TBC1D5: variants seen among roughly 807,000 people sequenced by gnomAD.
The protein encoded by TBC1D5 is TBC1 domain family, member 5.
A neutral mutation model predicts 100.3 loss-of-function variants in TBC1D5; 75 were observed. That is an observed-to-expected ratio of 0.75 (90% CI 0.62 to 0.91). The LOEUF (loss-of-function observed/expected upper bound fraction) is 0.91. TBC1D5 is among the 40% of genes least tolerant of loss of function. The pLI is 0.00. For missense variants in TBC1D5, 910 were observed against 942.4 expected (o/e 0.97, Z 0.45); for synonymous variants, 323 against 325.6 (o/e 0.99, Z 0.09).
At chr3:17,212,113 G>C (rs574572834) in intron 18 of TBC1D5, among the ~76,000 whole-genome samples, 1 of 152,144 alleles carries the variant, frequency 6.6e-6, no homozygotes, top group African/African-American at 2.4e-5. Flanking sequence ...GATAATTTCA[G>C]CTATAGCTAG....
chr3:17,713,770 C>T (rs114278806), intron 1 of TBC1D5, among the ~76,000 whole-genome samples: 2 of 152,050 alleles, frequency 1.3e-5, no homozygotes, highest in Non-Finnish European at 2.9e-5. Context: ...GGCCAGAAAG[C>T]ACATGAAAAC....
chr3:17,440,879 T>C (rs965045481), intron 3 of TBC1D5, among the ~76,000 whole-genome samples: 1 of 152,060 alleles, frequency 6.6e-6, no homozygotes, highest in African/African-American at 2.4e-5. Flanking sequence ...TAGCCTCAAG[T>C]AATCCACCCG....
At chr3:17,453,736 C>G (rs1160668368) in intron 3 of TBC1D5, among the ~76,000 whole-genome samples, 1 of 152,068 alleles carries the variant, frequency 6.6e-6, no homozygotes, top group Admixed American at 6.5e-5. Context: ...GTTCCAAAAA[C>G]TAGAGGCCAA....
At chr3:17,435,835 G>C (rs1182872298) in intron 3 of TBC1D5, among the ~76,000 whole-genome samples, 1 of 152,210 alleles carries the variant, frequency 6.6e-6, no homozygotes, top group African/African-American at 2.4e-5. Context: ...GTAGAAGGCC[G>C]TGTGTGTGCC....
At chr3:17,179,542 T>C in intron 19 of TBC1D5, among the ~76,000 whole-genome samples, 1 of 152,184 alleles carries the variant, frequency 6.6e-6, no homozygotes, top group East Asian at 1.9e-4. Context: ...GTGGCCTCAG[T>C]AGACTAATCA....
intron 20 of TBC1D5, 93 bp from the exon 22 acceptor site, chr3:17,167,021 T>C: frequency 1.7e-6 from 2 of 1,160,440 alleles, no homozygotes; most frequent in Non-Finnish European, 2.3e-6. Flanking sequence ...ACTAGCCTTG[T>C]CATCAATCAT....
chr3:17,214,199 A>T lies in TBC1D5; in HGVS notation c.1752+8T>A, dbSNP rs530104081. ...AGAACGAAGAGAAAACTGTCCTTAAATACTTACAGATTCTTTTCTGCCCAT... is the reference window on the plus strand; with the variant it reads ...AGAACGAAGAGAAAACTGTCCTTAATTACTTACAGATTCTTTTCTGCCCAT... On this transcript the variant is annotated splice_region_variant and intron_variant, in intron 18 of 21. Transcript: ENST00000253692. 54 of 1,606,066 alleles carry T rather than the reference A, an allele frequency of 3.4e-5. No homozygotes were observed. Among genetic ancestry groups the T allele is most frequent in the Non-Finnish European group, 4.4e-5 (52 of 1,176,888 alleles).
Position 17,570,847 on chromosome 3 carries a change from C to T in TBC1D5, c.-36+53002G>A, listed in dbSNP as rs537923539. Among the ~76,000 whole-genome samples, 3 of 151,994 alleles carry T rather than the reference C, an allele frequency of 2.0e-5. 1 individual carries two copies. In the South Asian group the frequency reaches 6.2e-4, roughly 32 times the overall value. On this transcript the variant is annotated intron_variant, in intron 2 of 21. Coordinates refer to ENST00000253692, the Ensembl canonical transcript of TBC1D5. Reference sequence around the variant, plus strand: ...GTAATTATTAAAGTTATTGTTGCAACCTCTAAGTCCCCTCTACAAAGAGAG... The same window carrying T: ...GTAATTATTAAAGTTATTGTTGCAATCTCTAAGTCCCCTCTACAAAGAGAG...
chr3:17,324,204 T>C (rs547699205), intron 13 of TBC1D5, among the ~76,000 whole-genome samples: 2 of 152,374 alleles, frequency 1.3e-5, no homozygotes, highest in South Asian at 2.1e-4. Context: ...GCAACGATTG[T>C]ACAACGCCTT....
At chr3:17,263,274 T>C (rs1488895191) in intron 15 of TBC1D5, among the ~76,000 whole-genome samples, 8 of 140,332 alleles carry the variant, frequency 5.7e-5, no homozygotes, top group African/African-American at 8.1e-5. Context: ...GAGGCTGAGG[T>C]AGAACAGCTT....
chr3:17,396,223 C>T (rs917512628), intron 8 of TBC1D5, among the ~76,000 whole-genome samples: 6 of 152,112 alleles, frequency 3.9e-5, no homozygotes, highest in African/African-American at 2.4e-5. Flanking sequence ...AGTACATCCA[C>T]TCATTCATGT....
chr3:17,603,283 T>C (rs12496758), intron 2 of TBC1D5, among the ~76,000 whole-genome samples: 4,727 of 150,808 alleles, frequency 0.031, 107 homozygotes, highest in Non-Finnish European at 0.047. Flanking sequence ...GAGACAGGAG[T>C]TTGGCAGGAC....
chr3:17,702,564 T>A (rs1264043787), intron 1 of TBC1D5, among the ~76,000 whole-genome samples: 1 of 152,106 alleles, frequency 6.6e-6, no homozygotes, highest in Non-Finnish European at 1.5e-5. Context: ...GTCCAAAATC[T>A]AATCAACAGC....
chr3:17,357,005 AAT>A (rs1189424805), intron 13 of TBC1D5, among the ~76,000 whole-genome samples: 1 of 147,340 alleles, frequency 6.8e-6, no homozygotes, highest in Non-Finnish European at 1.5e-5. Context: ...AAAAAAAAAA[AAT>A]AGTGACACTA....
chr3:17,343,258 C>T (rs1189096155), intron 13 of TBC1D5, among the ~76,000 whole-genome samples: 1 of 151,886 alleles, frequency 6.6e-6, no homozygotes, highest in Non-Finnish European at 1.5e-5. Flanking sequence ...TGTTTATATG[C>T]TGTATTACAT....
chr3:17,210,906 C>CT (rs1245376708), intron 18 of TBC1D5, among the ~76,000 whole-genome samples: 1 of 152,034 alleles, frequency 6.6e-6, no homozygotes. Context: ...ATTTCCTCCA[C>CT]TTTCTCTTCC....
intron 1 of TBC1D5, among the ~76,000 whole-genome samples, chr3:17,737,597 A>T (rs547185455): frequency 2.2e-4 from 33 of 152,302 alleles, no homozygotes; most frequent in African/African-American, 7.9e-4. Context: ...ACTGGATCTA[A>T]TACATGCACT....
intron 3 of TBC1D5, among the ~76,000 whole-genome samples, chr3:17,462,204 T>C (rs1001149213): frequency 6.6e-6 from 1 of 152,154 alleles, no homozygotes; most frequent in African/African-American, 2.4e-5. Context: ...TGTTTATTCA[T>C]TGTTAAGGTC....
intron 13 of TBC1D5, among the ~76,000 whole-genome samples, chr3:17,319,865 G>A (rs1259464444): frequency 1.3e-5 from 2 of 151,930 alleles, no homozygotes; most frequent in Non-Finnish European, 2.9e-5. Context: ...GCGAGACTCT[G>A]TCTCAAAAGA....
Sources: gnomAD v4.1 joint callset for allele counts (sites outside exome capture counted in the v4.1 genomes callset) on GRCh38, gnomAD v4.1.1 for gene constraint, MANE v1.5 for transcripts, NCBI Gene and HGNC (gene_info 2026-07-23, HGNC 2026-07-21) for gene names.